Variants in ZNF518A observed in about 807,000 individuals in gnomAD.
ZNF518A encodes zinc finger protein 518.
In ZNF518A, 47 loss-of-function variants were observed where a neutral mutation model predicts 102.7. The observed-to-expected ratio is 0.46, with a 90% CI of 0.36 to 0.58. ZNF518A has a LOEUF of 0.58. Among genes scored for constraint, ZNF518A ranks in the 20% least tolerant of loss-of-function variants. ZNF518A has a pLI of 0.00. For missense variants in ZNF518A, 1,793 were observed against 1,699.8 expected, an observed-to-expected ratio of 1.05 and a Z score of -0.96; for synonymous variants, 652 against 594.6, an observed-to-expected ratio of 1.10 and a Z score of -1.40.
rs1162218551 is a variant in ZNF518A at position 96,159,765 on chromosome 10, T to G, written c.3443T>G (p.Phe1148Cys). The change falls in exon 6 of 6, where the codon TTT becomes TGT. Residue 1148 changes from phenylalanine (F) to cysteine (C), a missense_variant. By Grantham distance (205) the Phe-to-Cys change is radical. Coordinates refer to ENST00000316045, the MANE Select transcript of ZNF518A (RefSeq NM_001330736.2). ...CCACAAAGAATATTGCTGAAAATTT[T>G]TAACCCTGTTTTAAATGTGACTGCT... ...GTPQRILLKI[F>C]NPVLNVTAAN... 1 of 1,613,446 alleles carries G rather than the reference T, an allele frequency of 6.2e-7. No individual in the cohort carries two copies. The highest frequency in any genetic ancestry group is 8.5e-7 in the Non-Finnish European group (1 of 1,179,792).
At chr10:96,181,863 G>A (rs963105470) in intron 1 of ZNF518A, among the ~76,000 whole-genome samples, 9 of 152,042 alleles carry the variant, frequency 5.9e-5, no homozygotes, top group Non-Finnish European at 1.2e-4. Flanking sequence ...AATTTTTCCA[G>A]TTCTGTGAAG....
chr10:96,176,238 T>C (rs587601512), intron 1 of ZNF518A, among the ~76,000 whole-genome samples: 1 of 152,202 alleles, frequency 6.6e-6, no homozygotes, highest in Non-Finnish European at 1.5e-5. Context: ...TATAAATTTT[T>C]TCTTGAAGGG....
chr10:96,189,470 A>G, intron 1 of ZNF518A: 1 of 628,194 alleles, frequency 1.6e-6, no homozygotes, highest in South Asian at 1.4e-5. Context: ...GAAGAGAACC[A>G]CCTTTTTCTA....
chr10:96,194,768 A>ATTTTTTTTT (rs71034364), intron 1 of ZNF518A, among the ~76,000 whole-genome samples: 1,739 of 110,204 alleles, frequency 0.016, 108 homozygotes, highest in Non-Finnish European at 0.023. Flanking sequence ...AGAAATGCAA[A>ATTTTTTTTT]TTTTTTTTTT....
At chr10:96,151,262 T>G (rs2082437071) in intron 3 of ZNF518A, 1 of 152,242 alleles carries the variant, frequency 6.6e-6, no homozygotes, top group African/African-American at 2.4e-5. Context: ...GAAGGGGAAG[T>G]TGAGAGTTAA....
chr10:96,189,729 A>ATCATCT, intron 1 of ZNF518A: 1 of 723,528 alleles, frequency 1.4e-6, no homozygotes. Flanking sequence ...CATCATCATC[A>ATCATCT]TCATCTTCAT....
rs6584054 is a variant in ZNF518A at position 96,201,293 on chromosome 10, C to T, written n.36-2281C>T. 0.95 allele frequency among the ~76,000 whole-genome samples: 144,057 copies of T among 152,230 alleles called. 68,638 individuals are homozygous for T. The highest frequency in any genetic ancestry group is 1 in the East Asian group (5,184 of 5,184). The stretch of plus-strand genomic sequence containing the variant: ...CCTATCACTATGAAACCCAATTTTC[C>T]TCATGTAGTTCCACCAGAAAAACAT... On this transcript the variant is annotated intron_variant and non_coding_transcript_variant, in intron 1 of 2. Transcript: ENST00000442635.
intron 1 of ZNF518A, among the ~76,000 whole-genome samples, chr10:96,185,148 C>A (rs1325971640): frequency 6.6e-6 from 1 of 152,114 alleles, no homozygotes; most frequent in African/African-American, 2.4e-5. Context: ...GTTTTCAGCT[C>A]CATCAGGTCA....
At chr10:96,184,873 C>G (rs1191428142) in intron 1 of ZNF518A, among the ~76,000 whole-genome samples, 1 of 152,184 alleles carries the variant, frequency 6.6e-6, no homozygotes, top group African/African-American at 2.4e-5. Flanking sequence ...GGGAAGTTCT[C>G]CTGGATAATA....
chr10:96,176,526 A>G (rs1294837379), intron 1 of ZNF518A, among the ~76,000 whole-genome samples: 1 of 152,186 alleles, frequency 6.6e-6, no homozygotes, highest in African/African-American at 2.4e-5. Flanking sequence ...GCATTTTGGG[A>G]GGCTGAGATG....
intron 3 of ZNF518A, among the ~76,000 whole-genome samples, chr10:96,135,726 C>T (rs1440916512): frequency 2.6e-5 from 4 of 152,128 alleles, no homozygotes; most frequent in East Asian, 1.9e-4. Flanking sequence ...TGGTGCTTGG[C>T]ATCTAAGTAA....
chr10:96,184,918 C>T (rs1340109758), intron 1 of ZNF518A, among the ~76,000 whole-genome samples: 1 of 152,198 alleles, frequency 6.6e-6, no homozygotes, highest in Non-Finnish European at 1.5e-5. Context: ...GTTCCATTCT[C>T]CCTGTCACTT....
At chr10:96,199,911 C>A in intron 1 of ZNF518A, 2 of 356,006 alleles carry the variant, frequency 5.6e-6, no homozygotes, top group Non-Finnish European at 4.9e-6. Context: ...GTAATCCCAG[C>A]TGCTTGGGAG....
rs183532878 is a variant in ZNF518A, at chr10:96,199,821, C to T, written n.36-3753C>T. On this transcript the variant is annotated intron_variant and non_coding_transcript_variant, in intron 1 of 2. Transcript: ENST00000442635. Reference sequence around the variant, plus strand: ...GGCAGATCAACTGAGGTCAGGAGTTCGAGAGCAGCCTGGCCAACATGGTAA... The same window carrying T: ...GGCAGATCAACTGAGGTCAGGAGTTTGAGAGCAGCCTGGCCAACATGGTAA... 1.0e-4 allele frequency: 25 copies of T among 240,926 alleles called. No homozygotes were observed. In the East Asian group the frequency reaches 2.1e-3, roughly 21 times the overall value. The allele number at this position is 240,926 out of a possible 1,614,324, so 14.9% of individuals were successfully genotyped here. A position where few individuals can be genotyped will look rare whatever the true frequency, so the allele number is the denominator to read the frequency against.
At chr10:96,140,120 A>G (rs1554875937) in intron 3 of ZNF518A, among the ~76,000 whole-genome samples, 1 of 152,138 alleles carries the variant, frequency 6.6e-6, no homozygotes, top group Non-Finnish European at 1.5e-5. Flanking sequence ...AGCCTCGCAG[A>G]GTGCTAGGAT....
intron 1 of ZNF518A, among the ~76,000 whole-genome samples, chr10:96,173,941 C>G (rs1157474062): frequency 6.6e-6 from 1 of 151,962 alleles, no homozygotes; most frequent in African/African-American, 2.4e-5. Context: ...TAAATTAGAA[C>G]TTAAAAACAA....
rs781865728 is a variant in ZNF518A, at chr10:96,156,289, GAAA to G, written c.-29_-27del. 163 of 1,527,788 alleles carry G rather than the reference GAAA, an allele frequency of 1.1e-4. No individual in the cohort carries two copies. Among genetic ancestry groups the G allele is most frequent in the Non-Finnish European group, 1.3e-4 (154 of 1,145,720 alleles). The allele number at this position is 1,527,788 out of a possible 1,614,324, so 94.6% of individuals were successfully genotyped here. ...TTACAGATAACTTCAAGAGTTTTCAGAAAAAAAGAAATTGGGACTTTTTTGGTT... is the reference window on the plus strand; with the variant it reads ...TTACAGATAACTTCAAGAGTTTTCAGAAAAGAAATTGGGACTTTTTTGGTT... On this transcript the variant is annotated 5_prime_UTR_variant, in exon 6 of 6. Transcript: ENST00000316045.
rs782603503 is a variant in ZNF518A at position 96,156,372 on chromosome 10, T to G, written c.50T>G (p.Leu17Ter). The G allele has an allele frequency of 6.3e-7, 1 of 1,592,576 alleles. No homozygotes were observed. The highest frequency in any genetic ancestry group is 2.2e-5 in the East Asian group (1 of 44,734). The stretch of plus-strand genomic sequence containing the variant: ...TTTTGTGATGAAAAACAAACTACTT[T>G]AAAAAAAGATTATGATGTGAAAAAT... Reference protein sequence around the residue: ...QLFCDEKQTTLKKDYDVKNEI... With the variant: ...QLFCDEKQTT Residue 17 changes from leucine to a stop codon, truncating the protein, a stop_gained, in exon 6 of 6, where the codon TTA (leucine) becomes TGA (stop). Coordinates refer to ENST00000316045, the MANE Select transcript of ZNF518A (RefSeq NM_001330736.2). LOFTEE classifies it high-confidence loss of function.
rs782599689 is a variant in ZNF518A, at chr10:96,159,467, G to A, written c.3145G>A (p.Gly1049Ser). Residue 1049 changes from glycine to serine, a missense_variant, in exon 6 of 6, where the codon GGC becomes AGC. This residue lies in a region of ZNF518A where 1,741 missense variants were observed against 1,622.6 expected (regional missense o/e 1.07). Coordinates refer to ENST00000316045, the MANE Select transcript of ZNF518A (RefSeq NM_001330736.2). ...CTCAGAAAATACTTTGCCATTAAAA[G>A]GCCCTTACATTTTGAAACCAACGAG... Reference protein sequence around the residue: ...SSSENTLPLKGPYILKPTSSV... With the variant: ...SSSENTLPLKSPYILKPTSSV... 2 of 1,613,714 alleles carry A rather than the reference G, an allele frequency of 1.2e-6. No individual in the cohort carries two copies. The highest frequency in any genetic ancestry group is 3.3e-5 in the Admixed American group (2 of 59,952).
Sources: gnomAD v4.1 joint callset for allele counts (sites outside exome capture counted in the v4.1 genomes callset) on GRCh38, gnomAD v4.1.1 for gene constraint, gnomAD v4.1.1 regional missense constraint, MANE v1.5 for transcripts, NCBI Gene and HGNC (gene_info 2026-07-23, HGNC 2026-07-21) for gene names.